PDE1C: variants seen among roughly 807,000 people sequenced by gnomAD.
PDE1C encodes phosphodiesterase 1C, also known as dual specificity calcium/calmodulin-dependent 3',5'-cyclic nucleotide phosphodiesterase 1C.
A neutral mutation model predicts 93.1 loss-of-function variants in PDE1C; 62 were observed. The observed-to-expected ratio is 0.67, with a 90% CI of 0.54 to 0.82. The LOEUF (loss-of-function observed/expected upper bound fraction) is 0.82, where lower values mean the gene tolerates loss of function less well. Among genes scored for constraint, PDE1C ranks in the 40% least tolerant of loss-of-function variants. The probability of loss-of-function intolerance (pLI) is 0.00; values close to 1 mark genes in which losing one functional copy is unlikely to be tolerated. For synonymous variants in PDE1C, 325 were observed against 310.1 expected, an observed-to-expected ratio of 1.05 and a Z score of -0.50; for missense variants, 742 against 884.6, an observed-to-expected ratio of 0.84 and a Z score of 2.04.
At chr7:32,033,268 G>C (rs1455216580) in intron 2 of PDE1C, among the ~76,000 whole-genome samples, 3 of 152,036 alleles carry the variant, frequency 2.0e-5, no homozygotes, top group Non-Finnish European at 4.4e-5. Flanking sequence ...CAAAGAAAAG[G>C]GAGAAGCGAG....
At chr7:31,789,243 T>C (rs1219928062) in intron 16 of PDE1C, 1 of 152,194 alleles carries the variant, frequency 6.6e-6, no homozygotes, top group Admixed American at 6.5e-5. Flanking sequence ...GGGGCTGCAA[T>C]GTTATTCTCT....
At position 31,775,672 on chromosome 7, in the gene PDE1C, G is replaced by A. The variant is rs202172020; in HGVS notation, c.1952C>T (p.Thr651Met). The A allele has an allele frequency of 1.1e-4, 174 of 1,612,444 alleles. No individual in the cohort carries two copies. Among genetic ancestry groups the A allele is most frequent in the Non-Finnish European group, 1.3e-4 (150 of 1,179,606 alleles). Residue 651 changes from threonine (T) to methionine (M), a missense_variant, in exon 17 of 18, where the codon ACG (threonine) becomes ATG (methionine). By Grantham distance (81) the Thr-to-Met change is moderately conservative (BLOSUM62 -1). This residue lies in a region of PDE1C where 454 missense variants were observed against 459.4 expected (regional missense o/e 0.99). Transcript: ENST00000396191. ...APSTSSTCRL[T>M]LPVIKPPLRH... ...CAATGCTGTTTACCCACCTGGCAACGTAAGGCGACACGTGGAGCTGGTGCT... is the reference window on the plus strand; with the variant it reads ...CAATGCTGTTTACCCACCTGGCAACATAAGGCGACACGTGGAGCTGGTGCT...
chr7:31,852,295 A>T (rs115807293), intron 7 of PDE1C, among the ~76,000 whole-genome samples: 559 of 152,362 alleles, frequency 3.7e-3, no homozygotes, highest in African/African-American at 0.013. Context: ...AACAGAATCC[A>T]GCATGAAATG....
At chr7:32,244,280 T>C (rs764909155) in intron 1 of PDE1C, among the ~76,000 whole-genome samples, 4 of 152,216 alleles carry the variant, frequency 2.6e-5, no homozygotes, top group Non-Finnish European at 4.4e-5. Flanking sequence ...CCTGGGACAA[T>C]TGGTAGGTGC....
intron 2 of PDE1C, among the ~76,000 whole-genome samples, chr7:31,888,936 C>A (rs1232086574): frequency 3.3e-5 from 5 of 152,048 alleles, no homozygotes; most frequent in Non-Finnish European, 7.4e-5. Context: ...GAAACAGTTT[C>A]TAGGAATAAA....
At chr7:32,052,342 T>A (rs778759715) in intron 1 of PDE1C, 1 of 478,452 alleles carries the variant, frequency 2.1e-6, no homozygotes, top group Non-Finnish European at 4.2e-6. Context: ...GCTAGTAACA[T>A]CTGCTCTGAC....
intron 3 of PDE1C, among the ~76,000 whole-genome samples, chr7:32,116,112 A>C (rs1798972696): frequency 6.6e-6 from 1 of 152,246 alleles, no homozygotes; most frequent in South Asian, 2.1e-4. Context: ...GAAAGGCATA[A>C]GCACAATTAA....
intron 1 of PDE1C, among the ~76,000 whole-genome samples, chr7:32,297,955 A>ATATCTCTCTCTCTCTCTCTCTC (rs1474774674): frequency 3.5e-5 from 1 of 28,942 alleles, no homozygotes; most frequent in African/African-American, 1.8e-4. Flanking sequence ...CTATTGTTCA[A>ATATCTCTCTCTCTCTCTCTCTC]TCTCTCTCTC....
At chr7:31,824,584 G>A (rs923480224) in intron 13 of PDE1C, among the ~76,000 whole-genome samples, 4 of 152,200 alleles carry the variant, frequency 2.6e-5, no homozygotes, top group Non-Finnish European at 4.4e-5. Flanking sequence ...AGGATTGTCT[G>A]GGCACAGCAG....
intron 2 of PDE1C, among the ~76,000 whole-genome samples, chr7:31,957,371 C>T (rs1004372363): frequency 6.6e-6 from 1 of 152,102 alleles, no homozygotes; most frequent in Non-Finnish European, 1.5e-5. Context: ...CCTCATTCAA[C>T]AGTTTCCATG....
At chr7:31,754,359 T>G (rs1341304643) in intron 17 of PDE1C, among the ~76,000 whole-genome samples, 2 of 152,206 alleles carry the variant, frequency 1.3e-5, no homozygotes, top group African/African-American at 4.8e-5. Flanking sequence ...AGTCTTACCA[T>G]GCAATGCAGC....
intron 2 of PDE1C, among the ~76,000 whole-genome samples, chr7:31,947,809 A>T (rs1806816248): frequency 6.6e-6 from 1 of 152,224 alleles, no homozygotes; most frequent in African/African-American, 2.4e-5. Context: ...AACTAGTTGC[A>T]GAAACAAGAT....
In PDE1C at chr7:32,206,927, A is replaced by G. The variant is rs1805605386; in HGVS notation, c.136+2562T>C. Among the ~76,000 whole-genome samples, 5 of 151,804 alleles carry G rather than the reference A, an allele frequency of 3.3e-5. No homozygotes were observed. In the South Asian group the frequency reaches 1.0e-3, roughly 32 times the overall value. The stretch of plus-strand genomic sequence containing the variant: ...CATTCTCCCAGCATTTGTGAGGGGA[A>G]GAGATCCTCTCTGCTTCCTTTGAGT... On this transcript the variant is annotated intron_variant, in intron 2 of 18. Transcript: ENST00000396193.
intron 1 of PDE1C, among the ~76,000 whole-genome samples, chr7:32,339,024 ACAC>A (rs1228210128): frequency 1.3e-5 from 2 of 151,354 alleles, no homozygotes; most frequent in Non-Finnish European, 3.0e-5. Flanking sequence ...ACACACACAC[ACAC>A]ACACACACAC....
chr7:31,834,482 A>G (rs1337476010), intron 11 of PDE1C, among the ~76,000 whole-genome samples: 1 of 152,196 alleles, frequency 6.6e-6, no homozygotes, highest in Non-Finnish European at 1.5e-5. Context: ...GCCCAAGACC[A>G]TGAGAACCCA....
intron 1 of PDE1C, among the ~76,000 whole-genome samples, chr7:32,269,379 C>A (rs561162215): frequency 1.1e-4 from 16 of 152,168 alleles, no homozygotes; most frequent in African/African-American, 3.9e-4. Flanking sequence ...ATAATGTACA[C>A]CTCTTAAAAA....
chr7:31,970,082 G>A (rs557747582), intron 2 of PDE1C, among the ~76,000 whole-genome samples: 1 of 151,980 alleles, frequency 6.6e-6, no homozygotes, highest in African/African-American at 2.4e-5. Context: ...ACATGGCACA[G>A]GTATACATAT....
At chr7:32,087,490 C>G (rs1206882382) in intron 3 of PDE1C, among the ~76,000 whole-genome samples, 1 of 152,072 alleles carries the variant, frequency 6.6e-6, no homozygotes, top group Non-Finnish European at 1.5e-5. Context: ...ACCCAGCCAT[C>G]CCATTACTGG....
chr7:31,771,059 AT>A (rs1176536638), intron 17 of PDE1C, among the ~76,000 whole-genome samples: 1 of 151,838 alleles, frequency 6.6e-6, no homozygotes, highest in African/African-American at 2.4e-5. Context: ...GGTTTGTACA[AT>A]TTTTCTTCAT....
Sources: gnomAD v4.1 joint callset for allele counts (sites outside exome capture counted in the v4.1 genomes callset) on GRCh38, gnomAD v4.1.1 for gene constraint, gnomAD v4.1.1 regional missense constraint, MANE v1.5 for transcripts, NCBI Gene and HGNC (gene_info 2026-07-23, HGNC 2026-07-21) for gene names.